The following BAHCC1 variants were observed in gnomAD, a reference collection of about 807,000 sequenced individuals.
BAHCC1 encodes the protein BAH and coiled-coil domain-containing protein 1.
A neutral mutation model predicts 88.2 loss-of-function variants in BAHCC1; 43 were observed. The observed-to-expected ratio is 0.49, with a 90% CI of 0.38 to 0.63. BAHCC1 has a LOEUF of 0.63. Among genes scored for constraint, BAHCC1 ranks in the 20% least tolerant of loss-of-function variants. BAHCC1 has a pLI of 0.00. For missense variants in BAHCC1, 3,023 were observed against 1,654.8 expected, an observed-to-expected ratio of 1.83 and a Z score of -14.34; for synonymous variants, 1,510 against 745.5, an observed-to-expected ratio of 2.03 and a Z score of -16.71.
chr17:81,413,125 C>A (rs537188956), intron 2 of BAHCC1: 3 of 445,550 alleles, frequency 6.7e-6, no homozygotes, highest in South Asian at 4.8e-5. Flanking sequence ...TTCTCTGAGG[C>A]CCCCCACAGC....
intron 2 of BAHCC1, chr17:81,407,391 C>G: frequency 1.9e-6 from 1 of 520,090 alleles, no homozygotes; most frequent in Non-Finnish European, 3.8e-6. Context: ...CTCAGTGCGA[C>G]TCCCTCTCTC....
Position 81,463,847 on chromosome 17 carries a change from G to A in BAHCC1, c.*30G>A, listed in dbSNP as rs570969205. The A allele has an allele frequency of 3.0e-5, 21 of 702,148 alleles. No individual in the cohort carries two copies. The highest frequency in any genetic ancestry group is 1.0e-4 in the South Asian group (7 of 67,752). 43.5% of individuals were successfully genotyped at this position (702,148 alleles called of 1,614,324 possible). A position where few individuals can be genotyped will look rare whatever the true frequency, so the allele number is the denominator to read the frequency against. On this transcript the variant is annotated 3_prime_UTR_variant, in exon 28 of 28. Transcript: ENST00000675386. ...CCCACCGCAGATGCCTCCCACGTGC[G>A]CCAGGGACCCTGTGTGCGGAGCCTG...
intron 2 of BAHCC1, chr17:81,410,013 G>A (rs1346528767): frequency 3.0e-5 from 8 of 266,350 alleles, no homozygotes; most frequent in South Asian, 5.6e-5. Context: ...GGTGGGGATC[G>A]GTGGCCCCTG....
intron 14 of BAHCC1, among the ~76,000 whole-genome samples, chr17:81,454,197 G>A (rs1228632228): frequency 2.0e-5 from 3 of 152,214 alleles, no homozygotes; most frequent in Non-Finnish European, 4.4e-5. Flanking sequence ...GCAGTGGGAG[G>A]TTCTGGGGAG....
At position 81,442,062 on chromosome 17, in the gene BAHCC1, G is replaced by A. The variant is rs782011046; in HGVS notation, c.713G>A (p.Arg238Gln). The A allele has an allele frequency of 2.1e-5, 15 of 712,564 alleles. No homozygotes were observed. Among genetic ancestry groups the A allele is most frequent in the African/African-American group, 8.9e-5 (5 of 55,972 alleles). The allele number at this position is 712,564 out of a possible 1,614,324, so 44.1% of individuals were successfully genotyped here. A position where few individuals can be genotyped will look rare whatever the true frequency, so the allele number is the denominator to read the frequency against. The change falls in exon 5 of 28, where the codon CGG becomes CAG. Residue 238 changes from arginine (R) to glutamine (Q), a missense_variant. Physicochemically the swap from Arg to Gln is conservative, Grantham distance 43 (BLOSUM62 1). Transcript: ENST00000675386. ...GGCAAGGCCGCTGAGGGCAAGGAGC[G>A]GCCAGCGGCAGAGGAGGACGGTGGC... ...KAGKAAEGKE[R>Q]PAAEEDGGKE...
intron 2 of BAHCC1, among the ~76,000 whole-genome samples, chr17:81,418,502 G>A (rs1217448170): frequency 6.6e-6 from 1 of 152,166 alleles, no homozygotes; most frequent in Non-Finnish European, 1.5e-5. Flanking sequence ...ACTTGATGGA[G>A]ATCTGAGGCC....
chr17:81,400,509 C>T (rs556741667), intron 2 of BAHCC1, among the ~76,000 whole-genome samples: 28 of 152,324 alleles, frequency 1.8e-4, no homozygotes, highest in African/African-American at 6.0e-4. Context: ...TCTGGTATCC[C>T]GCTAAAGCCG....
chr17:81,426,013 A>AC, intron 2 of BAHCC1, among the ~76,000 whole-genome samples: 1 of 2,046 alleles, frequency 4.9e-4, no homozygotes, highest in African/African-American at 2.2e-3. Flanking sequence ...GTTGGGGGTG[A>AC]TGGTGGGTGA....
intron 4 of BAHCC1, among the ~76,000 whole-genome samples, 155 bp from the exon 5 acceptor site, chr17:81,441,668 CAAAAAAAA>C (rs11333301): frequency 1.2e-4 from 11 of 91,640 alleles, no homozygotes; most frequent in African/African-American, 4.9e-4. Context: ...GACTCCGTCT[CAAAAAAAA>C]AAAAAAAAAA....
chr17:81,419,558 G>T (rs1555649312), intron 2 of BAHCC1, among the ~76,000 whole-genome samples: 1 of 152,208 alleles, frequency 6.6e-6, no homozygotes, highest in African/African-American at 2.4e-5. Flanking sequence ...GGCGGGCCCT[G>T]TGGGGAGCGG....
chr17:81,417,555 A>ACCCCCCC (rs58215427), intron 2 of BAHCC1, among the ~76,000 whole-genome samples: 71 of 131,382 alleles, frequency 5.4e-4, no homozygotes, highest in African/African-American at 1.3e-3. Flanking sequence ...AGCGTCGGCC[A>ACCCCCCC]CCCCCCCCCC....
In BAHCC1 at chr17:81,399,312, G is replaced by A. The variant is rs1555645520; in HGVS notation, c.-206-222G>A. ...CCCCCGGCTGCCCCGGGCCAAGCGTGGCCGGGACGGTGCGTGCGCGCGCGG... is the reference window on the plus strand; with the variant it reads ...CCCCCGGCTGCCCCGGGCCAAGCGTAGCCGGGACGGTGCGTGCGCGCGCGG... On this transcript the variant is annotated intron_variant, in intron 1 of 27. Coordinates refer to ENST00000675386, the MANE Select transcript of BAHCC1 (RefSeq NM_001377448.1). This position sits in a 1 kb window ranked among gnomAD's most constrained non-coding sequence, Gnocchi z 4.5. 2 of 258,632 alleles carry A rather than the reference G, an allele frequency of 7.7e-6. No individual in the cohort carries two copies. The allele number at this position is 258,632 out of a possible 1,614,324, so 16.0% of individuals were successfully genotyped here. A position where few individuals can be genotyped will look rare whatever the true frequency, so the allele number is the denominator to read the frequency against.
intron 2 of BAHCC1, among the ~76,000 whole-genome samples, chr17:81,409,639 C>T (rs956824663): frequency 5.9e-5 from 9 of 152,320 alleles, no homozygotes; most frequent in Non-Finnish European, 8.8e-5. Flanking sequence ...AGGAGGGACA[C>T]CTGGGGAGGG....
chr17:81,422,857 G>A (rs2064131481), intron 2 of BAHCC1: 1 of 370,954 alleles, frequency 2.7e-6, no homozygotes, highest in South Asian at 2.0e-5. Flanking sequence ...AAGGCCTGGG[G>A]GACTCGAGGC....
In BAHCC1 at chr17:81,431,702, C is replaced by T. The variant is rs1024924615; in HGVS notation, c.358+4723C>T. ...CCTGCCTCCCCCTGGCAATGCTGCA[C>T]AGCACAGTGGTGCTTGCGCCCATTT... On this transcript the variant is annotated intron_variant, in intron 3 of 27. Transcript: ENST00000675386. Among the ~76,000 whole-genome samples the T allele has an allele frequency of 3.2e-3, 491 of 152,340 alleles. 3 individuals carry two copies. Among genetic ancestry groups the T allele is most frequent in the African/African-American group, 0.011 (468 of 41,572 alleles).
chr17:81,418,764 TAC>T (rs1255185639), intron 2 of BAHCC1, among the ~76,000 whole-genome samples: 2 of 148,940 alleles, frequency 1.3e-5, no homozygotes, highest in African/African-American at 5.0e-5. Context: ...TGTGTGTGTG[TAC>T]GTGTGTGTAC....
intron 2 of BAHCC1, among the ~76,000 whole-genome samples, chr17:81,407,783 C>T (rs2063899389): frequency 6.6e-6 from 1 of 152,204 alleles, no homozygotes; most frequent in Non-Finnish European, 1.5e-5. Flanking sequence ...TGCTCACACT[C>T]ACAGATGTGG....
intron 10 of BAHCC1, among the ~76,000 whole-genome samples, chr17:81,446,371 A>T (rs2064527104): frequency 6.6e-6 from 1 of 150,896 alleles, no homozygotes; most frequent in Non-Finnish European, 1.5e-5. Context: ...TTAAAGCATC[A>T]TGTTTTACAA....
rs534448354 is a variant in BAHCC1 at position 81,459,485 on chromosome 17, C to T, written c.5797-11C>T. 1.0e-4 allele frequency: 79 copies of T among 778,934 alleles called. No individual in the cohort carries two copies. Among genetic ancestry groups the T allele is most frequent in the Non-Finnish European group, 1.5e-4 (63 of 417,664 alleles). The allele number at this position is 778,934 out of a possible 1,614,324, so 48.3% of individuals were successfully genotyped here. On this transcript the variant is annotated splice_polypyrimidine_tract_variant and intron_variant, in intron 22 of 27. Coordinates refer to ENST00000675386, the MANE Select transcript of BAHCC1 (RefSeq NM_001377448.1). The stretch of plus-strand genomic sequence containing the variant: ...CCACCTGCTCATGGGTCGTCGCCCG[C>T]GTTCCTGCAGGTTCTCGATGTGCGG...
Sources: gnomAD v4.1 joint callset for allele counts (sites outside exome capture counted in the v4.1 genomes callset) on GRCh38, gnomAD v4.1.1 for gene constraint, Gnocchi (gnomAD v3.1) non-coding constraint, MANE v1.5 for transcripts, NCBI Gene and HGNC (gene_info 2026-07-23, HGNC 2026-07-21) for gene names.